The following EEA1 variants were observed in gnomAD, a reference collection of about 807,000 sequenced individuals.
The protein encoded by EEA1 is early endosome antigen 1, 162kD.
A neutral mutation model predicts 209.2 loss-of-function variants in EEA1; 111 were observed. That is an observed-to-expected ratio of 0.53 (90% CI 0.45 to 0.62). The LOEUF is 0.62. Ranked by LOEUF, EEA1 falls within the 20% of genes least tolerant of loss-of-function variation. The probability of loss-of-function intolerance (pLI) is 0.00; values close to 1 mark genes in which losing one functional copy is unlikely to be tolerated. For missense variants in EEA1, 1,343 were observed against 1,530.8 expected, an observed-to-expected ratio of 0.88 and a Z score of 2.05; for synonymous variants, 536 against 540.6, an observed-to-expected ratio of 0.99 and a Z score of 0.12.
At chr12:92,828,692 A>C (rs1876441737) in intron 11 of EEA1, among the ~76,000 whole-genome samples, 1 of 151,908 alleles carries the variant, frequency 6.6e-6, no homozygotes. Flanking sequence ...AAGGGAGTTA[A>C]GAACCATCAC....
chr12:92,921,003 C>T (rs1166175590), intron 1 of EEA1, among the ~76,000 whole-genome samples: 1 of 151,146 alleles, frequency 6.6e-6, no homozygotes, highest in Non-Finnish European at 1.5e-5. Flanking sequence ...AAAAAATGCT[C>T]ATCATCACTG....
chr12:92,828,857 C>T (rs533130145), intron 11 of EEA1, among the ~76,000 whole-genome samples: 1 of 151,956 alleles, frequency 6.6e-6, no homozygotes, highest in Non-Finnish European at 1.5e-5. Flanking sequence ...AAAACCTATC[C>T]GATATTCCCA....
intron 1 of EEA1, among the ~76,000 whole-genome samples, chr12:92,908,617 T>TA (rs36071627): frequency 0.61 from 93,199 of 151,624 alleles, 29,430 homozygotes; most frequent in East Asian, 0.94. Flanking sequence ...AAAAAATTGC[T>TA]AAAAAAAGAA....
intron 20 of EEA1, among the ~76,000 whole-genome samples, chr12:92,800,222 AAAT>A (rs1208130720): frequency 6.6e-6 from 1 of 152,132 alleles, no homozygotes; most frequent in Non-Finnish European, 1.5e-5. Flanking sequence ...ACTCTGTTTA[AAAT>A]AATAATAATA....
In EEA1 at chr12:92,832,605, C is replaced by A. The variant is rs572324829; in HGVS notation, c.1161G>T (p.Lys387Asn). ...LKEELSEVET[K>N]YQHLKAEFKQ... Reference sequence around the variant, plus strand: ...TAAACTCCGCCTTTAGATGCTGGTACTTGGTCTCTACCTCAGATAATTCTT... The same window carrying A: ...TAAACTCCGCCTTTAGATGCTGGTAATTGGTCTCTACCTCAGATAATTCTT... The change falls in exon 11 of 29, where the codon AAG (lysine) becomes AAT (asparagine). Residue 387 changes from lysine (K) to asparagine (N), a missense_variant. Coordinates refer to ENST00000322349, the MANE Select transcript of EEA1 (RefSeq NM_003566.4). 1.2e-6 allele frequency: 2 copies of A among 1,614,064 alleles called. No individual in the cohort carries two copies. The highest frequency in any genetic ancestry group is 4.5e-5 in the East Asian group (2 of 44,848).
rs751384010 is a variant in EEA1 at position 92,819,475 on chromosome 12, T to G, written c.1561A>C (p.Lys521Gln). Reference sequence around the variant, plus strand: ...TCAAGGTTCTGGATCTTTTGGTCCTTATCGCCAATTTGACGTAGAACTTGT... The same window carrying G: ...TCAAGGTTCTGGATCTTTTGGTCCTGATCGCCAATTTGACGTAGAACTTGT... The part of the protein sequence containing the change: ...LEQVLRQIGD[K>Q]DQKIQNLEAL... Residue 521 changes from lysine (K) to glutamine (Q), a missense_variant, in exon 14 of 29, where the codon AAG (lysine) becomes CAG (glutamine). Transcript: ENST00000322349. 1.2e-6 allele frequency: 2 copies of G among 1,608,062 alleles called. No individual in the cohort carries two copies. The highest frequency in any genetic ancestry group is 2.2e-5 in the South Asian group (2 of 89,258).
At chr12:92,810,445 C>T (rs982272760) in intron 17 of EEA1, among the ~76,000 whole-genome samples, 2 of 151,914 alleles carry the variant, frequency 1.3e-5, no homozygotes, top group Non-Finnish European at 2.9e-5. Context: ...CTTGCCTTTG[C>T]TATTATCGTT....
intron 22 of EEA1, among the ~76,000 whole-genome samples, chr12:92,787,308 T>C (rs942574434): frequency 1.3e-5 from 2 of 152,110 alleles, no homozygotes; most frequent in South Asian, 2.1e-4. Context: ...CTAAAAATTG[T>C]TTACCCTTTT....
At chr12:92,922,705 C>A (rs1592781338) in intron 1 of EEA1, among the ~76,000 whole-genome samples, 1 of 152,268 alleles carries the variant, frequency 6.6e-6, no homozygotes, top group East Asian at 1.9e-4. Context: ...GTAATCCCAG[C>A]ACTTTGGGAA....
chr12:92,825,247 C>T (rs1054681057), intron 13 of EEA1, among the ~76,000 whole-genome samples: 1 of 151,996 alleles, frequency 6.6e-6, no homozygotes, highest in African/African-American at 2.4e-5. Flanking sequence ...GTCAGGAGAT[C>T]GAGACCATCC....
chr12:92,816,485 T>C, intron 14 of EEA1, 85 bp from the exon 15 acceptor site: 2 of 1,261,078 alleles, frequency 1.6e-6, no homozygotes, highest in Non-Finnish European at 2.2e-6. Flanking sequence ...CATGAGAATA[T>C]TAAAGTGCTT....
chr12:92,779,302 T>A lies in EEA1; in HGVS notation c.3469-2A>T. ...AGCATCTTTAAGATTTGTTATCTCC[T>A]GTTGAAAAAGTAGGGCCAAAAATAA... On this transcript the variant is annotated splice_acceptor_variant, in intron 24 of 28. Coordinates refer to ENST00000322349, the MANE Select transcript of EEA1 (RefSeq NM_003566.4). LOFTEE classifies it high-confidence loss of function. The A allele has an allele frequency of 6.3e-7, 1 of 1,576,216 alleles. No homozygotes were observed. Among genetic ancestry groups the A allele is most frequent in the East Asian group, 2.3e-5 (1 of 43,618 alleles).
chr12:92,915,827 A>G (rs1009289455), intron 1 of EEA1, among the ~76,000 whole-genome samples: 1 of 152,220 alleles, frequency 6.6e-6, no homozygotes, highest in Non-Finnish European at 1.5e-5. Flanking sequence ...AAATTGGCTG[A>G]CCTAAAAGGA....
chr12:92,853,872 A>G lies in EEA1; in HGVS notation c.406+43T>C, dbSNP rs1450379423. The G allele has an allele frequency of 2.6e-6, 4 of 1,559,374 alleles. No individual in the cohort carries two copies. The African/African-American group carries it at 5.6e-5, about 22-fold the overall frequency. Reference sequence around the variant, plus strand: ...GAAAAAGAAAGGAAAACAAATAAGAAGAAAAAGAAAACTGACAAAATATCT... The same window carrying G: ...GAAAAAGAAAGGAAAACAAATAAGAGGAAAAAGAAAACTGACAAAATATCT... On this transcript the variant is annotated intron_variant, in intron 6 of 28. Coordinates refer to ENST00000322349, the MANE Select transcript of EEA1 (RefSeq NM_003566.4).
intron 1 of EEA1, among the ~76,000 whole-genome samples, chr12:92,895,951 C>T (rs1400142082): frequency 1.3e-5 from 2 of 151,870 alleles, no homozygotes; most frequent in Non-Finnish European, 2.9e-5. Context: ...AAAAGTGGAG[C>T]CTGAAGATGC....
At chr12:92,883,169 TA>T (rs1468602286) in intron 2 of EEA1, among the ~76,000 whole-genome samples, 3 of 152,246 alleles carry the variant, frequency 2.0e-5, no homozygotes, top group Non-Finnish European at 4.4e-5. Flanking sequence ...TGATTAGAGA[TA>T]TGGACCATTT....
intron 2 of EEA1, among the ~76,000 whole-genome samples, chr12:92,878,329 C>T (rs1879001934): frequency 6.6e-6 from 1 of 152,026 alleles, no homozygotes; most frequent in Non-Finnish European, 1.5e-5. Context: ...GAAGATATAT[C>T]TGGGGGCTAA....
At chr12:92,842,643 T>C in intron 9 of EEA1, 62 bp from the exon 10 acceptor site, 1 of 1,059,738 alleles carries the variant, frequency 9.4e-7, no homozygotes, top group Non-Finnish European at 1.4e-6. Context: ...ATAAAAAAAA[T>C]GAAAGTATAT....
At chr12:92,913,251 G>A (rs1307984140) in intron 1 of EEA1, among the ~76,000 whole-genome samples, 4 of 152,234 alleles carry the variant, frequency 2.6e-5, no homozygotes, top group African/African-American at 9.6e-5. Flanking sequence ...TCTGACTGGT[G>A]TAAGATGGTA....
Sources: allele counts gnomAD v4.1 joint callset (sites outside exome capture counted in the v4.1 genomes callset), GRCh38; gene constraint gnomAD v4.1.1; transcripts MANE v1.5; gene names NCBI Gene and HGNC (gene_info 2026-07-23, HGNC 2026-07-21).